WDR72: variants seen among roughly 807,000 people sequenced by gnomAD.
The protein encoded by WDR72 is WD repeat-containing protein 72.
Under a neutral mutation model 124.2 loss-of-function variants are expected in WDR72, and 120 were observed. That is an observed-to-expected ratio of 0.97 (90% CI 0.83 to 1.12). The LOEUF (loss-of-function observed/expected upper bound fraction) is 1.12. Among genes scored for constraint, WDR72 ranks in the 50% most tolerant of loss-of-function variants. The pLI is 0.00. For synonymous variants in WDR72, 452 were observed against 441.7 expected, an observed-to-expected ratio of 1.02 and a Z score of -0.29; for missense variants, 1,387 against 1,278.8, an observed-to-expected ratio of 1.08 and a Z score of -1.29.
chr15:53,664,763 C>A (rs1051969199), intron 14 of WDR72, among the ~76,000 whole-genome samples: 3 of 151,968 alleles, frequency 2.0e-5, no homozygotes, highest in African/African-American at 7.3e-5. Context: ...AAAAACCAAG[C>A]CATATATCAA....
intron 9 of WDR72, 55 bp downstream of exon 9, chr15:53,710,802 T>C: frequency 1.4e-6 from 2 of 1,395,186 alleles, no homozygotes; most frequent in South Asian, 2.3e-5. Context: ...AAGCAACACT[T>C]ATCCAAGAAA....
rs1268954005 is a variant in WDR72 at position 53,712,902 on chromosome 15, A to G, written c.592-11T>C. ...GACATCTTGCTTTTCCTTCAAAAGG[A>G]AAGAAAATCTTTTAGTACTAGTTCC... On this transcript the variant is annotated splice_polypyrimidine_tract_variant and intron_variant, in intron 6 of 19. Coordinates refer to ENST00000360509, the MANE Select transcript of WDR72 (RefSeq NM_182758.4). The G allele has an allele frequency of 6.2e-7, 1 of 1,612,952 alleles. No individual in the cohort carries two copies. Among genetic ancestry groups the G allele is most frequent in the Non-Finnish European group, 8.5e-7 (1 of 1,179,340 alleles).
At position 53,714,434 on chromosome 15, in the gene WDR72, C is replaced by G. The variant is rs2017646295; in HGVS notation, c.591G>C (p.Gln197His). ...WDLSSSINSI[Q>H]EKQDVYEKES... is the part of the protein sequence containing the mutation. ...AAAAGAGTAGGGTTCCCAAGCCAACCTGAATGCTGTTGATAGATGAGGAAA... is the reference window on the plus strand; with the variant it reads ...AAAAGAGTAGGGTTCCCAAGCCAACGTGAATGCTGTTGATAGATGAGGAAA... Residue 197 changes from glutamine to histidine, a missense_variant and splice_region_variant, in exon 6 of 20, where the codon CAG (glutamine) becomes CAC (histidine). Gln to His is a conservative substitution (Grantham distance 24). Transcript: ENST00000360509. 1 of 1,613,238 alleles carries G rather than the reference C, an allele frequency of 6.2e-7. No individual in the cohort carries two copies.
chr15:53,669,023 GAA>G, intron 13 of WDR72, among the ~76,000 whole-genome samples: 1 of 126,474 alleles, frequency 7.9e-6, no homozygotes, highest in Non-Finnish European at 1.7e-5. Flanking sequence ...GAGAAAAGAA[GAA>G]GGGAGGAAGG....
intron 18 of WDR72, among the ~76,000 whole-genome samples, chr15:53,592,772 T>C (rs1267924771): frequency 6.7e-6 from 1 of 149,058 alleles, no homozygotes; most frequent in Non-Finnish European, 1.5e-5. Context: ...CTGATCCAAA[T>C]AACATTCAAA....
chr15:53,575,087 A>G (rs1374227997), intron 18 of WDR72, among the ~76,000 whole-genome samples: 1 of 152,028 alleles, frequency 6.6e-6, no homozygotes, highest in African/African-American at 2.4e-5. Flanking sequence ...ATTTATATGC[A>G]TATATTATGT....
chr15:53,604,727 G>C (rs1397637755), intron 17 of WDR72, among the ~76,000 whole-genome samples: 1 of 152,106 alleles, frequency 6.6e-6, no homozygotes, highest in Non-Finnish European at 1.5e-5. Flanking sequence ...ATGAAAGAAA[G>C]CTTAACATCA....
chr15:53,579,917 A>G (rs1028430876), intron 18 of WDR72, among the ~76,000 whole-genome samples: 3 of 152,126 alleles, frequency 2.0e-5, no homozygotes, highest in Non-Finnish European at 2.9e-5. Flanking sequence ...GGGTTGAAGT[A>G]AGGACTTCAT....
chr15:53,661,929 G>A (rs375351754), intron 14 of WDR72, among the ~76,000 whole-genome samples: 3 of 152,048 alleles, frequency 2.0e-5, no homozygotes, highest in African/African-American at 7.2e-5. Flanking sequence ...ATACTACAAT[G>A]GGCCCCAAAT....
intron 1 of WDR72, among the ~76,000 whole-genome samples, chr15:53,736,443 T>G (rs2018356750): frequency 6.6e-6 from 1 of 152,020 alleles, no homozygotes; most frequent in Admixed American, 6.6e-5. Flanking sequence ...AGAAAGGAGC[T>G]CACATAATGA....
chr15:53,619,819 T>A (rs2013917324), intron 14 of WDR72, among the ~76,000 whole-genome samples: 1 of 152,058 alleles, frequency 6.6e-6, no homozygotes, highest in Non-Finnish European at 1.5e-5. Flanking sequence ...TCTGTAAATT[T>A]CTTGTTAATT....
At chr15:53,711,191 C>A in intron 8 of WDR72, 145 bp downstream of exon 8, 1 of 1,192,932 alleles carries the variant, frequency 8.4e-7, no homozygotes. Flanking sequence ...TGAAGCCTAC[C>A]AAGCCCAGAG....
Position 53,516,287 on chromosome 15 carries a change from T to G in WDR72, c.*1412A>C, listed in dbSNP as rs1390434526. On this transcript the variant is annotated 3_prime_UTR_variant, in exon 20 of 20. Coordinates refer to ENST00000360509, the MANE Select transcript of WDR72 (RefSeq NM_182758.4). ...GAGTCACACTCATTTGACATCTTTA[T>G]CCTGGTATGTTTATTCAGATCATCA... 6.6e-6 allele frequency: 1 copy of G among 152,156 alleles called. No individual in the cohort carries two copies. The highest frequency in any genetic ancestry group is 1.5e-5 in the Non-Finnish European group (1 of 68,002). The allele number at this position is 152,156 out of a possible 1,614,324, so 9.4% of individuals were successfully genotyped here.
chr15:53,747,099 A>C (rs921915644), intron 1 of WDR72, among the ~76,000 whole-genome samples: 4 of 152,210 alleles, frequency 2.6e-5, no homozygotes, highest in Non-Finnish European at 2.9e-5. Context: ...TCTGCAGTCC[A>C]TAGGGCCTGA....
At chr15:53,751,550 G>T (rs1191395310) in intron 1 of WDR72, among the ~76,000 whole-genome samples, 1 of 152,104 alleles carries the variant, frequency 6.6e-6, no homozygotes, top group Non-Finnish European at 1.5e-5. Flanking sequence ...AAAATAAATT[G>T]TGTGACTTGC....
chr15:53,707,888 C>G (rs912340926), intron 9 of WDR72, among the ~76,000 whole-genome samples: 1 of 152,158 alleles, frequency 6.6e-6, no homozygotes, highest in African/African-American at 2.4e-5. Context: ...ACTGATTGTT[C>G]CAACTCCCTG....
intron 1 of WDR72, among the ~76,000 whole-genome samples, chr15:53,733,976 C>G (rs2018277281): frequency 6.6e-6 from 1 of 152,056 alleles, no homozygotes; most frequent in Non-Finnish European, 1.5e-5. Flanking sequence ...TTAAAAATGT[C>G]CGAAAGAGAG....
chr15:53,685,771 A>C (rs1019104253), intron 13 of WDR72, among the ~76,000 whole-genome samples: 1 of 150,028 alleles, frequency 6.7e-6, no homozygotes, highest in Non-Finnish European at 1.5e-5. Flanking sequence ...AGATTCACCA[A>C]AGTTGAAATG....
rs987690495 is a variant in WDR72, at chr15:53,722,831, C to T, written c.231G>A (p.Gln77=). ...CLARARDFSK[Q]PYIVSAAENG... Reference sequence around the variant, plus strand: ...TTTCAGCAGCACTAACAATGTAGGGCTGTTTAGAGAAGTCCCTTGCTCTTG... The same window carrying T: ...TTTCAGCAGCACTAACAATGTAGGGTTGTTTAGAGAAGTCCCTTGCTCTTG... Residue 77 remains glutamine, a synonymous_variant, in exon 3 of 20, where the codon CAG becomes CAA. Coordinates refer to ENST00000360509, the MANE Select transcript of WDR72 (RefSeq NM_182758.4). 2 of 1,612,964 alleles carry T rather than the reference C, an allele frequency of 1.2e-6. No individual in the cohort carries two copies. The highest frequency in any genetic ancestry group is 1.7e-4 in the Middle Eastern group (1 of 6,060).
Sources: gnomAD v4.1 joint callset for allele counts (sites outside exome capture counted in the v4.1 genomes callset) on GRCh38, gnomAD v4.1.1 for gene constraint, MANE v1.5 for transcripts, NCBI Gene and HGNC (gene_info 2026-07-23, HGNC 2026-07-21) for gene names.